The following KLHL1 variants were observed in gnomAD, a reference collection of about 807,000 sequenced individuals.
The protein encoded by KLHL1 is kelch-like protein 1.
KLHL1 carries 47 observed loss-of-function variants against 77.7 expected under a neutral mutation model. That is an observed-to-expected ratio of 0.60 (90% confidence interval 0.48 to 0.77). The LOEUF is 0.77. KLHL1 is among the 30% of genes least tolerant of loss of function. The pLI, the probability that KLHL1 is intolerant of heterozygous loss-of-function variation, is 0.00. For synonymous variants in KLHL1, 360 were observed against 325.2 expected (o/e 1.11, Z -1.15); for missense variants, 925 against 910.8 (o/e 1.02, Z -0.20).
intron 1 of KLHL1, among the ~76,000 whole-genome samples, chr13:70,015,784 G>T (rs563973990): frequency 6.6e-6 from 1 of 152,214 alleles, no homozygotes; most frequent in South Asian, 2.1e-4. Flanking sequence ...AATTTATGAT[G>T]GGTTTACTGG....
chr13:69,937,104 C>G (rs1288007922), intron 4 of KLHL1, among the ~76,000 whole-genome samples: 2 of 152,154 alleles, frequency 1.3e-5, no homozygotes, highest in African/African-American at 4.8e-5. Flanking sequence ...AAAGGCAGAG[C>G]TGACTTTGGA....
rs1367834963 is a variant in KLHL1, at chr13:69,984,047, A to G, written c.498-8245T>C. 3.3e-5 allele frequency among the ~76,000 whole-genome samples: 5 copies of G among 152,108 alleles called. No homozygotes were observed. In the East Asian group the frequency reaches 9.6e-4, roughly 29 times the overall value. On this transcript the variant is annotated intron_variant, in intron 1 of 10. Transcript: ENST00000377844. ...TTAAATGTCAGACCTGAAACCATAA[A>G]ATTATTAGAGGTAAACATAGGGAAA...
At chr13:70,030,113 G>GAA (rs1566514292) in intron 1 of KLHL1, among the ~76,000 whole-genome samples, 25 of 151,300 alleles carry the variant, frequency 1.7e-4, no homozygotes, top group Non-Finnish European at 3.5e-4. Flanking sequence ...AGAGACCTAC[G>GAA]AAGAGACTTA....
rs898339695 is a variant in KLHL1, at chr13:69,831,938, G to A, written c.1414+7038C>T. On this transcript the variant is annotated intron_variant, in intron 6 of 10. Transcript: ENST00000377844. ...AACCCTCAGCAAAACTGGCATAGAG[G>A]GGACATACTTTAAGATAATAAAAGC... Among the ~76,000 whole-genome samples, 9 of 149,842 alleles carry A rather than the reference G, an allele frequency of 6.0e-5. No individual in the cohort carries two copies. The Admixed American group carries it at 6.0e-4, about 10-fold the overall frequency.
chr13:69,895,424 T>C (rs949811559), intron 4 of KLHL1, among the ~76,000 whole-genome samples: 5 of 152,202 alleles, frequency 3.3e-5, no homozygotes, highest in East Asian at 1.9e-4. Flanking sequence ...GCCCATCCCA[T>C]TGGCACATTT....
chr13:69,925,281 C>G (rs1593955045), intron 4 of KLHL1, among the ~76,000 whole-genome samples: 1 of 152,162 alleles, frequency 6.6e-6, no homozygotes, highest in East Asian at 1.9e-4. Flanking sequence ...ATGACCTTGT[C>G]TGTGCTTCAA....
At chr13:70,036,153 T>C (rs1319830419) in intron 1 of KLHL1, among the ~76,000 whole-genome samples, 1 of 151,968 alleles carries the variant, frequency 6.6e-6, no homozygotes, top group Admixed American at 6.5e-5. Flanking sequence ...ACACACTGAA[T>C]TGACTGTCAA....
intron 1 of KLHL1, among the ~76,000 whole-genome samples, chr13:70,080,096 C>G (rs1593727036): frequency 1.3e-5 from 2 of 152,234 alleles, no homozygotes; most frequent in Middle Eastern, 3.4e-3. Flanking sequence ...GCATACTGTT[C>G]ATTAGACAAC....
chr13:69,799,085 T>G (rs901688667), intron 6 of KLHL1, among the ~76,000 whole-genome samples: 3 of 137,700 alleles, frequency 2.2e-5, no homozygotes, highest in African/African-American at 8.6e-5. Flanking sequence ...AAGACTCAGT[T>G]GCATAAAGAA....
chr13:69,851,313 C>A (rs1161835216), intron 5 of KLHL1, among the ~76,000 whole-genome samples: 1 of 151,676 alleles, frequency 6.6e-6, no homozygotes, highest in African/African-American at 2.4e-5. Flanking sequence ...AGTTCTTTTA[C>A]AAAATTATTT....
At chr13:69,775,720 G>A (rs998561850) in intron 7 of KLHL1, among the ~76,000 whole-genome samples, 26 of 151,484 alleles carry the variant, frequency 1.7e-4, no homozygotes, top group African/African-American at 3.6e-4. Flanking sequence ...ATACAGTGTC[G>A]TGCTCTGTCA....
intron 1 of KLHL1, among the ~76,000 whole-genome samples, chr13:69,979,568 A>G (rs1210400829): frequency 1.3e-5 from 2 of 152,154 alleles, no homozygotes; most frequent in Non-Finnish European, 2.9e-5. Context: ...TATAGGTATT[A>G]AGTAAAAACC....
At chr13:70,018,889 C>T (rs1242995852) in intron 1 of KLHL1, among the ~76,000 whole-genome samples, 1 of 152,050 alleles carries the variant, frequency 6.6e-6, no homozygotes, top group African/African-American at 2.4e-5. Flanking sequence ...GCCAAAAGGA[C>T]AGGAGGAAAC....
At chr13:70,022,871 T>G (rs1394105124) in intron 1 of KLHL1, among the ~76,000 whole-genome samples, 1 of 151,992 alleles carries the variant, frequency 6.6e-6, no homozygotes. Flanking sequence ...TCTGGCAAAC[T>G]TTAACTGTAT....
chr13:69,885,101 C>T (rs528075545), intron 4 of KLHL1, among the ~76,000 whole-genome samples: 1 of 141,682 alleles, frequency 7.1e-6, no homozygotes, highest in South Asian at 2.2e-4. Flanking sequence ...CCACCACGCC[C>T]GGCTAATTTT....
At chr13:69,853,255 G>T (rs3012111) in intron 5 of KLHL1, among the ~76,000 whole-genome samples, 1 of 151,640 alleles carries the variant, frequency 6.6e-6, no homozygotes, top group African/African-American at 2.4e-5. Context: ...TAATGGGGGC[G>T]TTCACCCTCA....
At position 69,729,652 on chromosome 13, in the gene KLHL1, A is replaced by C. The variant is rs901435312; in HGVS notation, c.1803-10071T>G. 8.5e-5 allele frequency among the ~76,000 whole-genome samples: 13 copies of C among 152,276 alleles called. No homozygotes were observed. The East Asian group carries it at 2.5e-3, about 29-fold the overall frequency. Reference sequence around the variant, plus strand: ...GATTATGTTTCTGAGTAACATAGGAAAAGTACCCAGACATTAATAGCCAGT... The same window carrying C: ...GATTATGTTTCTGAGTAACATAGGACAAGTACCCAGACATTAATAGCCAGT... On this transcript the variant is annotated intron_variant, in intron 8 of 10. Coordinates refer to ENST00000377844, the MANE Select transcript of KLHL1 (RefSeq NM_020866.3).
chr13:70,018,550 G>A (rs1277779364), intron 1 of KLHL1, among the ~76,000 whole-genome samples: 1 of 152,178 alleles, frequency 6.6e-6, no homozygotes, highest in Non-Finnish European at 1.5e-5. Context: ...GAAGTTTAGG[G>A]CCTAGGTGAC....
intron 4 of KLHL1, among the ~76,000 whole-genome samples, chr13:69,924,789 A>G (rs1407842969): frequency 1.3e-5 from 2 of 152,098 alleles, no homozygotes; most frequent in African/African-American, 4.8e-5. Flanking sequence ...GGGCTGTGAC[A>G]CCCTCTTTGG....
Sources: allele counts gnomAD v4.1 joint callset (sites outside exome capture counted in the v4.1 genomes callset), GRCh38; gene constraint gnomAD v4.1.1; transcripts MANE v1.5; gene names NCBI Gene and HGNC (gene_info 2026-07-23, HGNC 2026-07-21).